DMRT3: variants seen among roughly 807,000 people sequenced by gnomAD.
The protein encoded by DMRT3 is doublesex and mab-3 related transcription factor 3.
Under a neutral mutation model 34.9 loss-of-function variants are expected in DMRT3, and 29 were observed. That is an observed-to-expected ratio of 0.83 (90% confidence interval 0.62 to 1.13). The LOEUF (loss-of-function observed/expected upper bound fraction) is 1.13. Ranked by LOEUF, DMRT3 falls within the 50% of genes most tolerant of loss-of-function variation. The pLI, the probability that DMRT3 is intolerant of heterozygous loss-of-function variation, is 0.00. For synonymous variants in DMRT3, 350 were observed against 286.0 expected (o/e 1.22, Z -2.26); for missense variants, 772 against 629.1 (o/e 1.23, Z -2.43).
chr9:987,867 ATAGTATAT>A (rs1820305267), intron 1 of DMRT3, among the ~76,000 whole-genome samples: 1 of 152,202 alleles, frequency 6.6e-6, no homozygotes, highest in South Asian at 2.1e-4. Flanking sequence ...TCTAAAAGTG[ATAGTATAT>A]TAATATGCTA....
In DMRT3 at chr9:991,103, C is replaced by A; in HGVS notation, c.*98C>A. ...CACATCTTGTGTATGCCCTTTCCTT[C>A]TGTTTGACAAAGTGACTGTGCTTGA... On this transcript the variant is annotated 3_prime_UTR_variant, in exon 2 of 2. Coordinates refer to ENST00000190165, the MANE Select transcript of DMRT3 (RefSeq NM_021240.4). 1.4e-6 allele frequency: 2 copies of A among 1,447,414 alleles called. No individual in the cohort carries two copies. The highest frequency in any genetic ancestry group is 9.3e-7 in the Non-Finnish European group (1 of 1,077,160). 89.7% of individuals were successfully genotyped at this position (1,447,414 alleles called of 1,614,324 possible). A position where few individuals can be genotyped will look rare whatever the true frequency, so the allele number is the denominator to read the frequency against.
chr9:989,265 G>T (rs1820322139), intron 1 of DMRT3, among the ~76,000 whole-genome samples: 1 of 152,218 alleles, frequency 6.6e-6, no homozygotes, highest in Non-Finnish European at 1.5e-5. Context: ...TTCATTGATG[G>T]ATAATAATGC....
At position 991,010 on chromosome 9, in the gene DMRT3, G is replaced by A. The variant is rs1268964450; in HGVS notation, c.*5G>A. 3 of 1,599,494 alleles carry A rather than the reference G, an allele frequency of 1.9e-6. No individual in the cohort carries two copies. Among genetic ancestry groups the A allele is most frequent in the Non-Finnish European group, 2.6e-6 (3 of 1,169,366 alleles). Reference sequence around the variant, plus strand: ...ACACTCAACACATCATCTTAAAGTGGTGCTGGATGGGTGGTGGCCAGGTGA... The same window carrying A: ...ACACTCAACACATCATCTTAAAGTGATGCTGGATGGGTGGTGGCCAGGTGA... On this transcript the variant is annotated 3_prime_UTR_variant, in exon 2 of 2. Transcript: ENST00000190165.
At position 977,327 on chromosome 9, in the gene DMRT3, C is replaced by T. The variant is rs1435006970; in HGVS notation, c.326C>T (p.Pro109Leu). 4 of 1,296,626 alleles carry T rather than the reference C, an allele frequency of 3.1e-6. No individual in the cohort carries two copies. Among genetic ancestry groups the T allele is most frequent in the Admixed American group, 3.8e-5 (1 of 26,334 alleles). 80.3% of individuals were successfully genotyped at this position (1,296,626 alleles called of 1,614,324 possible). A position where few individuals can be genotyped will look rare whatever the true frequency, so the allele number is the denominator to read the frequency against. ...GGGGACGCCGTCGCCGCCCCGCAGC[C>T]GCCGCCAGCCTCTCAGCCGTCGCAG... ...PPGDAVAAPQ[P>L]PPASQPSQPQ... Residue 109 changes from proline (P) to leucine (L), a missense_variant, in exon 1 of 2, where the codon CCG (proline) becomes CTG (leucine). Physicochemically the swap from Pro to Leu is moderately conservative, Grantham distance 98 (BLOSUM62 -3). Coordinates refer to ENST00000190165, the MANE Select transcript of DMRT3 (RefSeq NM_021240.4).
intron 1 of DMRT3, among the ~76,000 whole-genome samples, chr9:987,837 T>C (rs1207667775): frequency 6.6e-6 from 1 of 152,214 alleles, no homozygotes; most frequent in Non-Finnish European, 1.5e-5. Context: ...GGGGAGAGTA[T>C]TTGACTTGTT....
At chr9:980,834 T>A (rs975715947) in intron 1 of DMRT3, among the ~76,000 whole-genome samples, 14 of 152,156 alleles carry the variant, frequency 9.2e-5, no homozygotes, top group Non-Finnish European at 1.8e-4. Context: ...AAGCTAAAGT[T>A]ACATTCTTGT....
Position 990,072 on chromosome 9 carries a change from G to A in DMRT3, c.486G>A (p.Lys162=). 6.2e-7 allele frequency: 1 copy of A among 1,613,874 alleles called. No homozygotes were observed. The highest frequency in any genetic ancestry group is 8.5e-7 in the Non-Finnish European group (1 of 1,180,018). ...CTGAAGAACGACTTGGAGACGGCAA[G>A]TCGGCAGACAATACAGAGGTCTTCA... The part of the protein sequence containing the change: ...DLTEERLGDG[K]SADNTEVFSD... Residue 162 remains lysine (K), a synonymous_variant, in exon 2 of 2, where the codon AAG becomes AAA. Transcript: ENST00000190165.
At chr9:988,447 TAGA>T (rs1468345279) in intron 1 of DMRT3, among the ~76,000 whole-genome samples, 2 of 152,228 alleles carry the variant, frequency 1.3e-5, no homozygotes, top group African/African-American at 2.4e-5. Context: ...CATCCTGTAT[TAGA>T]AGAATGTTTC....
In DMRT3 at chr9:990,362, T is replaced by G; in HGVS notation, c.776T>G (p.Phe259Cys). 6.2e-7 allele frequency: 1 copy of G among 1,613,648 alleles called. No individual in the cohort carries two copies. The highest frequency in any genetic ancestry group is 8.5e-7 in the Non-Finnish European group (1 of 1,179,976). The change falls in exon 2 of 2, where the codon TTC becomes TGC. Residue 259 changes from phenylalanine to cysteine, a missense_variant. Phe to Cys is a radical substitution (Grantham distance 205). Transcript: ENST00000190165. ...CCGCTTGAAGTGTTAAAAAAGATAT[T>G]CCCCAACCAGAAGCCAACGGTGCTT... is the stretch of plus-strand genomic sequence containing the variant. ...RPPLEVLKKI[F>C]PNQKPTVLEL... is the part of the protein sequence containing the mutation.
At chr9:987,801 G>T (rs948833454) in intron 1 of DMRT3, among the ~76,000 whole-genome samples, 1 of 152,080 alleles carries the variant, frequency 6.6e-6, no homozygotes, top group East Asian at 1.9e-4. Flanking sequence ...GTATTTTAAA[G>T]AAGTACTTTA....
chr9:989,836 C>A, intron 1 of DMRT3: 3 of 597,518 alleles, frequency 5.0e-6, no homozygotes, highest in Admixed American at 3.6e-5. Flanking sequence ...GGAAGCCACT[C>A]TGATTTCTAG....
chr9:986,538 T>TG (rs1293947161), intron 1 of DMRT3, among the ~76,000 whole-genome samples: 1 of 152,134 alleles, frequency 6.6e-6, no homozygotes, highest in Non-Finnish European at 1.5e-5. Flanking sequence ...TTATCTAAAG[T>TG]GGGGGCAGGG....
Position 990,287 on chromosome 9 carries a change from G to A in DMRT3, c.701G>A (p.Gly234Asp). ...HAEQNHLLIE[G>D]PSGTVSLPFS... ...GAGCAGAATCACCTCCTGATTGAGG[G>A]CCCCTCGGGGACTGTTTCTCTGCCC... is the stretch of plus-strand genomic sequence containing the variant. The change falls in exon 2 of 2, where the codon GGC (glycine) becomes GAC (aspartate). Residue 234 changes from glycine to aspartate, a missense_variant. Physicochemically the swap from Gly to Asp is moderately conservative, Grantham distance 94. Coordinates refer to ENST00000190165, the MANE Select transcript of DMRT3 (RefSeq NM_021240.4). 5 of 1,613,842 alleles carry A rather than the reference G, an allele frequency of 3.1e-6. No individual in the cohort carries two copies. The highest frequency in any genetic ancestry group is 4.2e-6 in the Non-Finnish European group (5 of 1,180,030).
intron 1 of DMRT3, among the ~76,000 whole-genome samples, chr9:982,901 C>A (rs1047588662): frequency 6.6e-6 from 1 of 152,176 alleles, no homozygotes; most frequent in East Asian, 1.9e-4. Context: ...ATTAGCTGCT[C>A]AGGTCCTTGG....
chr9:983,629 TAGAC>T (rs1356292001), intron 1 of DMRT3, among the ~76,000 whole-genome samples: 1 of 152,190 alleles, frequency 6.6e-6, no homozygotes, highest in African/African-American at 2.4e-5. Context: ...ATGGATGAGT[TAGAC>T]AGGTGCATTT....
Position 977,115 on chromosome 9 carries a change from G to A in DMRT3, c.114G>A (p.Leu38=). The A allele has an allele frequency of 6.2e-7, 1 of 1,609,770 alleles. No homozygotes were observed. Among genetic ancestry groups the A allele is most frequent in the Non-Finnish European group, 8.5e-7 (1 of 1,178,406 alleles). Reference sequence around the variant, plus strand: ...CGCGCTGCCGCAACCATGGCGTCCTGTCCTGGCTCAAGGGCCACAAGCGTT... The same window carrying A: ...CGCGCTGCCGCAACCATGGCGTCCTATCCTGGCTCAAGGGCCACAAGCGTT... The part of the protein sequence containing the change: ...KCARCRNHGV[L]SWLKGHKRYC... Residue 38 remains leucine (L), a synonymous_variant, in exon 1 of 2, where the codon CTG becomes CTA. Transcript: ENST00000190165.
chr9:989,447 G>C (rs542073198), intron 1 of DMRT3, among the ~76,000 whole-genome samples: 1 of 152,066 alleles, frequency 6.6e-6, no homozygotes, highest in Non-Finnish European at 1.5e-5. Context: ...AATGGATAGA[G>C]GTATCTTTCA....
Position 976,935 on chromosome 9 carries a change from C to A in DMRT3, c.-67C>A, listed in dbSNP as rs1325699638. 7.3e-7 allele frequency: 1 copy of A among 1,376,856 alleles called. No homozygotes were observed. Among genetic ancestry groups the A allele is most frequent in the Non-Finnish European group, 9.4e-7 (1 of 1,062,436 alleles). 85.3% of individuals were successfully genotyped at this position (1,376,856 alleles called of 1,614,324 possible). A position where few individuals can be genotyped will look rare whatever the true frequency, so the allele number is the denominator to read the frequency against. ...GCCGCCCCTGAGCGGGCCTCGCAGCCCCGCCGTCCAGCGCTCCCTGGCCCT... is the reference window on the plus strand; with the variant it reads ...GCCGCCCCTGAGCGGGCCTCGCAGCACCGCCGTCCAGCGCTCCCTGGCCCT... On this transcript the variant is annotated 5_prime_UTR_variant, in exon 1 of 2. Transcript: ENST00000190165. The surrounding 1 kb of genome is among the most constrained non-coding windows in gnomAD (Gnocchi z 4.5).
At chr9:982,472 C>T (rs935245082) in intron 1 of DMRT3, among the ~76,000 whole-genome samples, 4 of 152,132 alleles carry the variant, frequency 2.6e-5, no homozygotes, top group African/African-American at 4.8e-5. Flanking sequence ...GATGAACTCC[C>T]GGGTTTAAAA....
Sources: allele counts gnomAD v4.1 joint callset (sites outside exome capture counted in the v4.1 genomes callset), GRCh38; gene constraint gnomAD v4.1.1; non-coding constraint Gnocchi (gnomAD v3.1); transcripts MANE v1.5; gene names NCBI Gene and HGNC (gene_info 2026-07-23, HGNC 2026-07-21).